NID1: variants seen among roughly 807,000 people sequenced by gnomAD.
NID1 encodes nidogen 1, also known as nidogen-1.
A neutral mutation model predicts 130.6 loss-of-function variants in NID1; 76 were observed. That is an observed-to-expected ratio of 0.58 (90% CI 0.48 to 0.70). The LOEUF is 0.70. Among genes scored for constraint, NID1 ranks in the 30% least tolerant of loss-of-function variants. NID1 has a pLI of 0.00. For missense variants in NID1, 1,517 were observed against 1,664.8 expected, an observed-to-expected ratio of 0.91 and a Z score of 1.54; for synonymous variants, 665 against 675.1, an observed-to-expected ratio of 0.98 and a Z score of 0.23.
rs1160938039 is a variant in NID1 at position 235,985,463 on chromosome 1, T to C, written c.2971A>G (p.Met991Val). 1 of 1,614,144 alleles carries C rather than the reference T, an allele frequency of 6.2e-7. No individual in the cohort carries two copies. Among genetic ancestry groups the C allele is most frequent in the Non-Finnish European group, 8.5e-7 (1 of 1,179,982 alleles). ...IGLAFDCVDK[M>V]VYWTDITEPS... Reference sequence around the variant, plus strand: ...TCAGTGATGTCCGTCCAGTAAACCATCTTGTCCACGCAGTCAAAGGCCAGT... The same window carrying C: ...TCAGTGATGTCCGTCCAGTAAACCACCTTGTCCACGCAGTCAAAGGCCAGT... The change falls in exon 15 of 20, where the codon ATG becomes GTG. Residue 991 changes from methionine to valine, a missense_variant. Physicochemically the swap from Met to Val is conservative, Grantham distance 21. Around this residue, in one of 3 missense-constraint regions of NID1, gnomAD observed 1,329 missense variants for 1,429.2 expected, o/e 0.93. Coordinates refer to ENST00000264187, the MANE Select transcript of NID1 (RefSeq NM_002508.3).
chr1:235,986,874 C>T (rs1657589766), intron 14 of NID1, among the ~76,000 whole-genome samples: 1 of 152,354 alleles, frequency 6.6e-6, no homozygotes, highest in East Asian at 1.9e-4. Context: ...CTTCTCTGGC[C>T]TTCCGTGGTA....
At position 235,977,628 on chromosome 1, in the gene NID1, G is replaced by A; in HGVS notation, c.*239C>T. ...CACTCAGGGGTGTATAAGTCTGTCT[G>A]AGGGTTGGGGGTAGGGGTGGAGGGT... On this transcript the variant is annotated 3_prime_UTR_variant, in exon 20 of 20. Transcript: ENST00000264187. The A allele has an allele frequency of 2.0e-6, 1 of 494,550 alleles. No homozygotes were observed. Among genetic ancestry groups the A allele is most frequent in the African/African-American group, 1.9e-5 (1 of 51,500 alleles). The allele number at this position is 494,550 out of a possible 1,614,324, so 30.6% of individuals were successfully genotyped here. A position where few individuals can be genotyped will look rare whatever the true frequency, so the allele number is the denominator to read the frequency against.
intron 14 of NID1, among the ~76,000 whole-genome samples, chr1:235,986,434 A>G (rs1320085808): frequency 1.8e-4 from 1 of 5,662 alleles, no homozygotes; most frequent in Non-Finnish European, 3.7e-4. Flanking sequence ...TGACAGCATC[A>G]AAAAAAAAAA....
At chr1:236,014,080 A>AT (rs1658511537) in intron 10 of NID1, among the ~76,000 whole-genome samples, 1 of 152,102 alleles carries the variant, frequency 6.6e-6, no homozygotes, top group African/African-American at 2.4e-5. Context: ...AGGACAAATA[A>AT]ATGTTTCTAA....
intron 14 of NID1, among the ~76,000 whole-genome samples, chr1:235,986,168 T>C (rs903927083): frequency 1.3e-5 from 2 of 152,212 alleles, no homozygotes; most frequent in African/African-American, 2.4e-5. Flanking sequence ...TTTCCCTTTA[T>C]GGCTAATGCT....
chr1:235,985,058 T>G (rs1425523171), intron 15 of NID1, among the ~76,000 whole-genome samples: 3 of 151,846 alleles, frequency 2.0e-5, no homozygotes, highest in Non-Finnish European at 4.4e-5. Flanking sequence ...CCAGGCATGG[T>G]GGCGGGCGAC....
rs181304049 is a variant in NID1 at position 236,063,519 on chromosome 1, G to A, written c.225+1336C>T. 1.3e-4 allele frequency among the ~76,000 whole-genome samples: 19 copies of A among 151,832 alleles called. No homozygotes were observed. In the East Asian group the frequency reaches 3.3e-3, roughly 26 times the overall value. On this transcript the variant is annotated intron_variant, in intron 1 of 19. Coordinates refer to ENST00000264187, the MANE Select transcript of NID1 (RefSeq NM_002508.3). The stretch of plus-strand genomic sequence containing the variant: ...ATAAATAAATAAAGTAAGCATATAA[G>A]CATATATAGTACATAAGAGCATAAG...
At chr1:235,993,006 T>C (rs1206798013) in intron 13 of NID1, among the ~76,000 whole-genome samples, 1 of 151,340 alleles carries the variant, frequency 6.6e-6, no homozygotes, top group Non-Finnish European at 1.5e-5. Context: ...GGAAAGTGTC[T>C]GTCCAGAGTC....
At chr1:235,993,937 G>T in intron 12 of NID1, 65 bp from the exon 13 acceptor site, 1 of 1,472,498 alleles carries the variant, frequency 6.8e-7, no homozygotes, top group Non-Finnish European at 9.3e-7. Flanking sequence ...CCCTGGCGGG[G>T]CTGCAGGAGT....
intron 1 of NID1, among the ~76,000 whole-genome samples, chr1:236,050,646 A>G (rs1377884426): frequency 6.6e-6 from 1 of 152,142 alleles, no homozygotes; most frequent in African/African-American, 2.4e-5. Context: ...TGTGGCAAAC[A>G]GCCCCTTGGA....
At chr1:236,042,377 C>G in intron 3 of NID1, 85 bp from the exon 4 acceptor site, 1 of 1,494,902 alleles carries the variant, frequency 6.7e-7, no homozygotes, top group Admixed American at 1.9e-5. Context: ...CCCTGAGGAT[C>G]TGTGTTGGTC....
chr1:236,016,138 C>G (rs535356728), intron 10 of NID1, among the ~76,000 whole-genome samples: 1 of 151,884 alleles, frequency 6.6e-6, no homozygotes, highest in Admixed American at 6.6e-5. Context: ...TACACAGAAA[C>G]TGATGTTCCC....
intron 12 of NID1, among the ~76,000 whole-genome samples, chr1:235,996,960 G>A (rs1462375022): frequency 1.3e-5 from 2 of 152,042 alleles, no homozygotes; most frequent in East Asian, 1.9e-4. Flanking sequence ...TCAGCCTCCC[G>A]AGTAGCCGGG....
intron 2 of NID1, among the ~76,000 whole-genome samples, chr1:236,047,110 C>CAAAACAAAAACA (rs374962500): frequency 1.3e-5 from 2 of 151,830 alleles, no homozygotes; most frequent in Admixed American, 1.3e-4. Context: ...GACTCTGTCT[C>CAAAACAAAAACA]AAAACAAAAA....
intron 12 of NID1, among the ~76,000 whole-genome samples, chr1:236,011,657 A>G (rs1658426383): frequency 6.6e-6 from 1 of 152,116 alleles, no homozygotes; most frequent in South Asian, 2.1e-4. Flanking sequence ...TCCCACCTCA[A>G]CAACCCTTAG....
intron 12 of NID1, among the ~76,000 whole-genome samples, chr1:236,006,226 T>C (rs577017894): frequency 1.3e-5 from 2 of 152,348 alleles, no homozygotes; most frequent in East Asian, 1.9e-4. Context: ...ATAATGAGCA[T>C]GAATTCCAAT....
At chr1:236,013,238 A>G (rs1185290941) in intron 11 of NID1, among the ~76,000 whole-genome samples, 173 bp downstream of exon 11, 1 of 152,192 alleles carries the variant, frequency 6.6e-6, no homozygotes, top group African/African-American at 2.4e-5. Flanking sequence ...CCCAAAAGAA[A>G]ATGCATAGTT....
chr1:236,035,686 A>T, intron 5 of NID1, among the ~76,000 whole-genome samples: 1 of 152,136 alleles, frequency 6.6e-6, no homozygotes, highest in East Asian at 1.9e-4. Context: ...AGGGGCTGCC[A>T]TCCGGGGATC....
intron 4 of NID1, among the ~76,000 whole-genome samples, chr1:236,039,041 A>G (rs1431879715): frequency 7.6e-6 from 1 of 131,096 alleles, no homozygotes. Flanking sequence ...TATAATATAT[A>G]TTTACATTAT....
Sources: allele counts gnomAD v4.1 joint callset (sites outside exome capture counted in the v4.1 genomes callset), GRCh38; gene constraint gnomAD v4.1.1; regional missense constraint gnomAD v4.1.1; transcripts MANE v1.5; gene names NCBI Gene and HGNC (gene_info 2026-07-23, HGNC 2026-07-21).